GOLT1A: variants seen among roughly 807,000 people sequenced by gnomAD.
GOLT1A encodes the protein vesicle transport protein GOT1A.
Under a neutral mutation model 16.1 loss-of-function variants are expected in GOLT1A, and 10 were observed. The observed-to-expected ratio is 0.62, with a 90% CI of 0.38 to 1.05. The LOEUF (loss-of-function observed/expected upper bound fraction) is 1.05, where lower values mean the gene tolerates loss of function less well. Ranked by LOEUF, GOLT1A falls within the 50% of genes least tolerant of loss-of-function variation. The pLI, the probability that GOLT1A is intolerant of heterozygous loss-of-function variation, is 0.01. For missense variants in GOLT1A, 137 were observed against 165.7 expected (o/e 0.83, Z 0.95); for synonymous variants, 60 against 67.9 (o/e 0.88, Z 0.57).
At chr1:204,210,992 A>G (rs1321169821) in intron 1 of GOLT1A, among the ~76,000 whole-genome samples, 1 of 113,256 alleles carries the variant, frequency 8.8e-6, no homozygotes, top group African/African-American at 3.4e-5. Flanking sequence ...GCAGAAGCCC[A>G]CCCCTCCCCC....
rs141284578 is a variant in GOLT1A, at chr1:204,200,299, G to GTATA, written c.297-1045_297-1042dup. Among the ~76,000 whole-genome samples the GTATA allele has an allele frequency of 1.6e-3, 133 of 82,620 alleles. 6 individuals are homozygous for GTATA. The highest frequency in any genetic ancestry group is 5.9e-3 in the Middle Eastern group (1 of 170). The allele number at this position is 82,620 out of a possible 152,430, so 54.2% of individuals were successfully genotyped here. A position where few individuals can be genotyped will look rare whatever the true frequency, so the allele number is the denominator to read the frequency against. On this transcript the variant is annotated intron_variant, in intron 3 of 4. Transcript: ENST00000308302. ...GACTGTTTGAAAATGACATATATGTGTATATATATATATATATATATGTTT... is the reference window on the plus strand; with the variant it reads ...GACTGTTTGAAAATGACATATATGTGTATATATATATATATATATATATATGTTT...
rs146945182 is a variant in GOLT1A at position 204,201,697 on chromosome 1, C to G, written c.232G>C (p.Val78Leu). ...TSFLLGGVVI[V>L]LLRWPLLGMF... ...CCGAGGAGGGGCCAGCGTAGGAGCA[C>G]GATAACCACACCCCCCAGGAGGAAG... Residue 78 changes from valine (V) to leucine (L), a missense_variant, in exon 3 of 5, where the codon GTG becomes CTG. Val to Leu is a conservative substitution (Grantham distance 32). Coordinates refer to ENST00000308302, the MANE Select transcript of GOLT1A (RefSeq NM_198447.2). 9 of 1,613,982 alleles carry G rather than the reference C, an allele frequency of 5.6e-6. No individual in the cohort carries two copies. Among genetic ancestry groups the G allele is most frequent in the African/African-American group, 1.3e-5 (1 of 74,880 alleles).
In GOLT1A at chr1:204,201,930, G is replaced by A. The variant is rs111311110; in HGVS notation, c.118-119C>T. The A allele has an allele frequency of 3.5e-3, 2,952 of 845,180 alleles. 68 individuals carry two copies. The African/African-American group carries it at 0.042, about 12-fold the overall frequency. 52.4% of individuals were successfully genotyped at this position (845,180 alleles called of 1,614,324 possible). A position where few individuals can be genotyped will look rare whatever the true frequency, so the allele number is the denominator to read the frequency against. ...ATGTGCTAACTGTTCAAGACCATCT[G>A]AGCGAGGGCCATCCAGCAGTGTGGC... On this transcript the variant is annotated intron_variant, in intron 2 of 4. Transcript: ENST00000308302.
At chr1:204,212,783 T>C (rs149641517) in intron 1 of GOLT1A, among the ~76,000 whole-genome samples, 4 of 152,212 alleles carry the variant, frequency 2.6e-5, no homozygotes, top group Non-Finnish European at 5.9e-5. Context: ...GTCATTACCA[T>C]GGTCTATAAG....
chr1:204,203,594 CA>C (rs1439003931), intron 1 of GOLT1A, among the ~76,000 whole-genome samples: 1 of 152,332 alleles, frequency 6.6e-6, no homozygotes, highest in East Asian at 1.9e-4. Flanking sequence ...CAGAAGTCAT[CA>C]GTTAGGAATG....
chr1:204,207,017 A>G (rs1659048737), intron 1 of GOLT1A, among the ~76,000 whole-genome samples: 1 of 152,254 alleles, frequency 6.6e-6, no homozygotes, highest in Non-Finnish European at 1.5e-5. Context: ...GAAACCCCAC[A>G]GAAAAGGGTC....
intron 2 of GOLT1A, 86 bp downstream of exon 2, chr1:204,202,810 A>C (rs912676925): frequency 4.3e-6 from 4 of 930,968 alleles, no homozygotes; most frequent in Non-Finnish European, 7.0e-6. Context: ...ATAAACTGTA[A>C]GTCTTTATTG....
At chr1:204,203,126 C>T (rs1658988948) in intron 1 of GOLT1A, 139 bp from the exon 2 acceptor site, 1 of 661,068 alleles carries the variant, frequency 1.5e-6, no homozygotes, top group Admixed American at 2.5e-5. Context: ...CTTTCATGCT[C>T]TCAGGGGATG....
At chr1:204,207,826 T>A (rs11240698) in intron 1 of GOLT1A, among the ~76,000 whole-genome samples, 67,673 of 151,924 alleles carry the variant, frequency 0.45, 16,859 homozygotes, top group Non-Finnish European at 0.57. Context: ...GTGTGGTTTT[T>A]AAAACTCCTG....
chr1:204,202,037 G>T (rs1172933227), intron 2 of GOLT1A, among the ~76,000 whole-genome samples: 1 of 152,090 alleles, frequency 6.6e-6, no homozygotes, highest in Non-Finnish European at 1.5e-5. Context: ...AACCTTTGAC[G>T]GTTTCTAGTT....
intron 1 of GOLT1A, among the ~76,000 whole-genome samples, chr1:204,207,710 C>A (rs1229321008): frequency 6.6e-6 from 1 of 152,142 alleles, no homozygotes; most frequent in Admixed American, 6.5e-5. Context: ...TTTCTTAAAG[C>A]AATCACACAT....
At chr1:204,199,016 C>T (rs1389681101) in intron 4 of GOLT1A, 179 bp downstream of exon 4, 2 of 605,142 alleles carry the variant, frequency 3.3e-6, no homozygotes, top group East Asian at 5.6e-5. Context: ...GGGCTCTTGT[C>T]AAATGGAGAA....
Position 204,200,299 on chromosome 1 carries a change from G to GTATATATA in GOLT1A, c.297-1049_297-1042dup, listed in dbSNP as rs141284578. On this transcript the variant is annotated intron_variant, in intron 3 of 4. Coordinates refer to ENST00000308302, the MANE Select transcript of GOLT1A (RefSeq NM_198447.2). ...GACTGTTTGAAAATGACATATATGT[G>GTATATATA]TATATATATATATATATATATGTTT... Among the ~76,000 whole-genome samples the GTATATATA allele has an allele frequency of 3.2e-3, 266 of 82,668 alleles. 19 individuals are homozygous for GTATATATA. The highest frequency in any genetic ancestry group is 0.024 in the Middle Eastern group (4 of 170). 54.2% of individuals were successfully genotyped at this position (82,668 alleles called of 152,430 possible).
intron 1 of GOLT1A, among the ~76,000 whole-genome samples, chr1:204,205,039 A>T (rs955981497): frequency 6.6e-6 from 1 of 152,006 alleles, no homozygotes; most frequent in African/African-American, 2.4e-5. Context: ...GAGTTGTAGG[A>T]GTTCTTTATA....
intron 1 of GOLT1A, among the ~76,000 whole-genome samples, chr1:204,206,202 G>A (rs779439236): frequency 4.6e-5 from 7 of 152,180 alleles, no homozygotes; most frequent in Non-Finnish European, 1.0e-4. Flanking sequence ...GCTGGATTTT[G>A]TTGGGACCCA....
At chr1:204,208,043 T>G (rs1168625519) in intron 1 of GOLT1A, among the ~76,000 whole-genome samples, 1 of 152,126 alleles carries the variant, frequency 6.6e-6, no homozygotes, top group Admixed American at 6.5e-5. Flanking sequence ...CAGGGAACAC[T>G]TCTACACTGC....
At chr1:204,198,609 A>C in intron 4 of GOLT1A, 113 bp from the exon 5 acceptor site, 1 of 879,840 alleles carries the variant, frequency 1.1e-6, no homozygotes, top group Non-Finnish European at 1.8e-6. Flanking sequence ...CAGATACGAG[A>C]GGGGCTGTAG....
intron 1 of GOLT1A, among the ~76,000 whole-genome samples, chr1:204,208,321 TAC>T (rs577072370): frequency 5.3e-4 from 78 of 147,902 alleles, no homozygotes; most frequent in Non-Finnish European, 1.0e-3. Flanking sequence ...CACACACATA[TAC>T]ATATATATGT....
intron 3 of GOLT1A, 52 bp downstream of exon 3, chr1:204,201,581 C>T: frequency 1.9e-6 from 3 of 1,571,898 alleles, no homozygotes; most frequent in Non-Finnish European, 2.6e-6. Flanking sequence ...GTGATCTCAG[C>T]CACTCAGACA....
Sources: allele counts gnomAD v4.1 joint callset (sites outside exome capture counted in the v4.1 genomes callset), GRCh38; gene constraint gnomAD v4.1.1; transcripts MANE v1.5; gene names NCBI Gene and HGNC (gene_info 2026-07-23, HGNC 2026-07-21).